Variants in ELP3 observed in about 807,000 individuals in gnomAD.
ELP3 encodes the protein elongator acetyltransferase complex subunit 3, also known as elongator complex protein 3.
In ELP3, 56 loss-of-function variants were observed where a neutral mutation model predicts 74.9. The ratio of observed to expected loss-of-function variants is 0.75; its 90% confidence interval spans 0.60 to 0.93. ELP3 has a LOEUF of 0.93. Among genes scored for constraint, ELP3 ranks in the 40% least tolerant of loss-of-function variants. The probability of loss-of-function intolerance (pLI) is 0.00; values close to 1 mark genes in which losing one functional copy is unlikely to be tolerated. For missense variants in ELP3, 573 were observed against 686.5 expected (o/e 0.83, Z 1.85); for synonymous variants, 222 against 239.8 (o/e 0.93, Z 0.68).
At chr8:28,159,869 G>A (rs1585725588) in intron 12 of ELP3, among the ~76,000 whole-genome samples, 1 of 152,154 alleles carries the variant, frequency 6.6e-6, no homozygotes, top group Non-Finnish European at 1.5e-5. Flanking sequence ...AGACAAAGGG[G>A]TGCTCCTGAG....
chr8:28,115,655 G>A (rs909084815), intron 7 of ELP3, among the ~76,000 whole-genome samples: 1 of 152,192 alleles, frequency 6.6e-6, no homozygotes, highest in African/African-American at 2.4e-5. Context: ...GGCACAGAGA[G>A]ATAAGCAATT....
intron 10 of ELP3, among the ~76,000 whole-genome samples, chr8:28,138,264 G>C (rs371424544): frequency 1.2e-4 from 18 of 152,172 alleles, no homozygotes; most frequent in African/African-American, 4.1e-4. Context: ...CTCTGTTCTA[G>C]AGCCTCTGAA....
intron 5 of ELP3, among the ~76,000 whole-genome samples, chr8:28,108,528 T>C (rs536805464): frequency 7.0e-6 from 1 of 143,250 alleles, no homozygotes; most frequent in Admixed American, 7.6e-5. Context: ...CACGATCTCC[T>C]TCACTGCAAC....
chr8:28,137,726 C>T lies in ELP3; in HGVS notation c.935C>T (p.Pro312Leu). 6.2e-7 allele frequency: 1 copy of T among 1,612,762 alleles called. No homozygotes were observed. Among genetic ancestry groups the T allele is most frequent in the Non-Finnish European group, 8.5e-7 (1 of 1,179,632 alleles). Residue 312 changes from proline to leucine, a missense_variant, in exon 10 of 15, where the codon CCC becomes CTC. Coordinates refer to ENST00000256398, the MANE Select transcript of ELP3 (RefSeq NM_018091.6). ...TEFFENPAFRPDGLKLYPTLV... is the reference protein window; with the variant it reads ...TEFFENPAFRLDGLKLYPTLV... ...TTTTTTGAGAACCCTGCTTTTCGTCCCGATGGGCTGAAACTCTATCCTACC... is the reference window on the plus strand; with the variant it reads ...TTTTTTGAGAACCCTGCTTTTCGTCTCGATGGGCTGAAACTCTATCCTACC...
intron 1 of ELP3, among the ~76,000 whole-genome samples, chr8:28,096,816 A>C (rs1811270037): frequency 6.6e-6 from 1 of 152,256 alleles, no homozygotes; most frequent in Non-Finnish European, 1.5e-5. Flanking sequence ...GAATTCATGC[A>C]TCTAAATGTT....
In ELP3 at chr8:28,165,155, G is replaced by A. The variant is rs117605684; in HGVS notation, c.1567+3077G>A. Among the ~76,000 whole-genome samples, 222 of 152,044 alleles carry A rather than the reference G, an allele frequency of 1.5e-3. 2 individuals are homozygous for A. In the East Asian group the frequency reaches 0.04, roughly 27 times the overall value. On this transcript the variant is annotated intron_variant, in intron 14 of 14. Transcript: ENST00000256398. ...TTACTCTCCATGGGCCTTTATTTCCGTATTTTAAAAAAGTGGATGTGGTTA... is the reference window on the plus strand; with the variant it reads ...TTACTCTCCATGGGCCTTTATTTCCATATTTTAAAAAAGTGGATGTGGTTA...
At chr8:28,148,828 A>T (rs182577834) in intron 10 of ELP3, among the ~76,000 whole-genome samples, 3 of 152,304 alleles carry the variant, frequency 2.0e-5, no homozygotes, top group Admixed American at 6.5e-5. Flanking sequence ...ATCTATGTTC[A>T]TGAGAGATGT....
chr8:28,153,698 C>G (rs1029262283), intron 10 of ELP3, among the ~76,000 whole-genome samples: 58 of 152,264 alleles, frequency 3.8e-4, no homozygotes, highest in African/African-American at 1.3e-3. Flanking sequence ...TCTTACACAT[C>G]GTTGTCCTGG....
chr8:28,127,665 A>T (rs1812633062), intron 7 of ELP3, among the ~76,000 whole-genome samples: 1 of 152,148 alleles, frequency 6.6e-6, no homozygotes, highest in South Asian at 2.1e-4. Context: ...TTTAAGAGGC[A>T]CAGGACCTGA....
intron 14 of ELP3, among the ~76,000 whole-genome samples, chr8:28,186,231 A>G (rs1563295412): frequency 6.6e-6 from 1 of 152,202 alleles, no homozygotes; most frequent in Non-Finnish European, 1.5e-5. Flanking sequence ...CAGCTTTACA[A>G]GATAAAGAGT....
intron 14 of ELP3, chr8:28,183,147 G>C (rs1259984941): frequency 2.2e-6 from 1 of 456,172 alleles, no homozygotes; most frequent in Non-Finnish European, 4.4e-6. Context: ...CTTACATATA[G>C]TAAAGCTCGT....
intron 7 of ELP3, among the ~76,000 whole-genome samples, chr8:28,121,164 C>T (rs907478727): frequency 1.3e-5 from 2 of 152,074 alleles, no homozygotes; most frequent in South Asian, 2.1e-4. Context: ...CATAGTCTAT[C>T]TCCTTGTATA....
chr8:28,185,061 A>G (rs1313859049), intron 14 of ELP3, among the ~76,000 whole-genome samples: 1 of 152,190 alleles, frequency 6.6e-6, no homozygotes, highest in Non-Finnish European at 1.5e-5. Flanking sequence ...TGTCTTCTGC[A>G]CTTTTGTGTG....
chr8:28,138,717 A>G (rs576434548), intron 10 of ELP3, among the ~76,000 whole-genome samples: 3 of 152,342 alleles, frequency 2.0e-5, no homozygotes, highest in South Asian at 4.1e-4. Context: ...AACAAGCCGA[A>G]TTAACTACTT....
chr8:28,152,709 G>A (rs903146406), intron 10 of ELP3, among the ~76,000 whole-genome samples: 3 of 152,216 alleles, frequency 2.0e-5, no homozygotes, highest in African/African-American at 4.8e-5. Flanking sequence ...AGGAGGCTGA[G>A]GCAGGAGAAT....
intron 7 of ELP3, 99 bp from the exon 8 acceptor site, chr8:28,129,403 A>T: frequency 8.0e-7 from 1 of 1,254,572 alleles, no homozygotes; most frequent in East Asian, 2.4e-5. Flanking sequence ...ACTCTTTACC[A>T]CTATCTCATA....
At chr8:28,139,185 G>A (rs1174331894) in intron 10 of ELP3, among the ~76,000 whole-genome samples, 3 of 152,176 alleles carry the variant, frequency 2.0e-5, no homozygotes, top group Admixed American at 6.5e-5. Context: ...AGAGCTGTAC[G>A]TCCTCTAGGG....
At chr8:28,162,180 C>A in intron 14 of ELP3, 102 bp downstream of exon 14, 1 of 1,209,244 alleles carries the variant, frequency 8.3e-7, no homozygotes, top group Non-Finnish European at 1.2e-6. Flanking sequence ...ATGGTTATTA[C>A]GTTCAAAATT....
chr8:28,182,848 T>C (rs1379473403), intron 14 of ELP3, among the ~76,000 whole-genome samples: 2 of 152,218 alleles, frequency 1.3e-5, no homozygotes, highest in African/African-American at 2.4e-5. Context: ...TTTCTCATCA[T>C]GAGGGGCTTG....
Sources: gnomAD v4.1 joint callset for allele counts (sites outside exome capture counted in the v4.1 genomes callset) on GRCh38, gnomAD v4.1.1 for gene constraint, MANE v1.5 for transcripts, NCBI Gene and HGNC (gene_info 2026-07-23, HGNC 2026-07-21) for gene names.